Variants in UBXN2B observed in about 807,000 individuals in gnomAD.
The protein encoded by UBXN2B is UBX domain protein 2B.
In UBXN2B, 19 loss-of-function variants were observed where a neutral mutation model predicts 37.5. The observed-to-expected ratio is 0.51, with a 90% CI of 0.35 to 0.74. The LOEUF (loss-of-function observed/expected upper bound fraction) is 0.74, where lower values mean the gene tolerates loss of function less well. Ranked by LOEUF, UBXN2B falls within the 30% of genes least tolerant of loss-of-function variation. The probability of loss-of-function intolerance (pLI) is 0.01; values close to 1 mark genes in which losing one functional copy is unlikely to be tolerated. For synonymous variants in UBXN2B, 145 were observed against 143.8 expected (o/e 1.01, Z -0.06); for missense variants, 370 against 393.2 (o/e 0.94, Z 0.50).
intron 2 of UBXN2B, among the ~76,000 whole-genome samples, chr8:58,427,182 T>C (rs1808122928): frequency 6.6e-6 from 1 of 152,176 alleles, no homozygotes; most frequent in Non-Finnish European, 1.5e-5. Context: ...AGATTTTGGA[T>C]TCAAGGCCAA....
At chr8:58,425,096 G>C in intron 2 of UBXN2B, 1 of 788,776 alleles carries the variant, frequency 1.3e-6, no homozygotes, top group African/African-American at 1.7e-5. Flanking sequence ...GGCACTCCGT[G>C]GTCCGGCCAG....
chr8:58,441,643 T>G (rs1808553500), intron 6 of UBXN2B, among the ~76,000 whole-genome samples: 1 of 152,006 alleles, frequency 6.6e-6, no homozygotes. Context: ...GGAAGGCAGC[T>G]AAGAAGAGCC....
intron 1 of UBXN2B, among the ~76,000 whole-genome samples, chr8:58,413,695 G>A (rs573842014): frequency 1.3e-5 from 2 of 152,174 alleles, no homozygotes; most frequent in East Asian, 3.9e-4. Context: ...CCAGAGAAAA[G>A]CTGCATAGTT....
intron 6 of UBXN2B, among the ~76,000 whole-genome samples, chr8:58,444,030 GT>G (rs1174364255): frequency 2.0e-5 from 3 of 152,072 alleles, no homozygotes; most frequent in African/African-American, 7.2e-5. Context: ...ATATACAATA[GT>G]TTCATTGTGA....
intron 4 of UBXN2B, 23 bp from the exon 5 acceptor site, chr8:58,434,369 ATTT>A (rs3080297): frequency 0.2 from 60,449 of 302,966 alleles, 4,339 homozygotes; most frequent in South Asian, 0.28. Context: ...ATATATATAT[ATTT>A]TTTTTTTTTC....
At chr8:58,415,949 G>A (rs1298870184) in intron 1 of UBXN2B, among the ~76,000 whole-genome samples, 1 of 151,528 alleles carries the variant, frequency 6.6e-6, no homozygotes, top group Admixed American at 6.6e-5. Context: ...CCAATGCCCT[G>A]TTCTTCTTGG....
At chr8:58,446,094 T>C in intron 7 of UBXN2B, 26 bp downstream of exon 7, 1 of 1,588,968 alleles carries the variant, frequency 6.3e-7, no homozygotes, top group South Asian at 1.1e-5. Context: ...AACAGTGTCC[T>C]GTTTGCTGTT....
intron 6 of UBXN2B, among the ~76,000 whole-genome samples, chr8:58,440,121 G>A (rs1293189197): frequency 6.6e-6 from 1 of 152,174 alleles, no homozygotes; most frequent in East Asian, 1.9e-4. Flanking sequence ...AGATTGTTGA[G>A]CTAAGAAATG....
At chr8:58,438,666 C>T (rs1460109330) in intron 5 of UBXN2B, among the ~76,000 whole-genome samples, 2 of 152,100 alleles carry the variant, frequency 1.3e-5, no homozygotes, top group African/African-American at 4.8e-5. Flanking sequence ...TTTTATCTTA[C>T]AGGATTATAG....
At chr8:58,434,696 T>C (rs1808369047) in intron 5 of UBXN2B, among the ~76,000 whole-genome samples, 192 bp downstream of exon 5, 2 of 152,124 alleles carry the variant, frequency 1.3e-5, no homozygotes, top group Non-Finnish European at 2.9e-5. Flanking sequence ...AGTCACTGGT[T>C]CTTAATTTTG....
At chr8:58,425,450 T>C (rs1289601567) in intron 2 of UBXN2B, 1 of 1,137,806 alleles carries the variant, frequency 8.8e-7, no homozygotes, top group Non-Finnish European at 1.3e-6. Context: ...ATGATGATAT[T>C]TGCATTGATG....
intron 2 of UBXN2B, among the ~76,000 whole-genome samples, chr8:58,424,140 T>A (rs936322234): frequency 6.6e-6 from 1 of 151,916 alleles, no homozygotes; most frequent in African/African-American, 2.4e-5. Flanking sequence ...CTCACTTTTC[T>A]AAGATGTTGT....
intron 6 of UBXN2B, among the ~76,000 whole-genome samples, chr8:58,441,118 G>C (rs1246123765): frequency 6.6e-6 from 1 of 151,384 alleles, no homozygotes; most frequent in Non-Finnish European, 1.5e-5. Flanking sequence ...CCACTCTCCT[G>C]ACTGGGACTA....
chr8:58,411,558 C>G (rs1019804827), intron 1 of UBXN2B, 89 bp downstream of exon 1: 9 of 1,081,774 alleles, frequency 8.3e-6, no homozygotes, highest in Non-Finnish European at 1.1e-5. Flanking sequence ...CACCTCTGGC[C>G]TCGGCGGAGC....
intron 1 of UBXN2B, 110 bp downstream of exon 1, chr8:58,411,579 C>A: frequency 3.3e-6 from 3 of 918,756 alleles, no homozygotes; most frequent in Non-Finnish European, 4.3e-6. Context: ...CTTTCCCCGA[C>A]CCCGTCTGGG....
At chr8:58,412,219 T>C (rs1257219690) in intron 1 of UBXN2B, among the ~76,000 whole-genome samples, 1 of 152,212 alleles carries the variant, frequency 6.6e-6, no homozygotes, top group Admixed American at 6.5e-5. Flanking sequence ...AGAATCTTGG[T>C]AGAACAGTTT....
intron 2 of UBXN2B, chr8:58,425,879 C>T (rs1016918164): frequency 1.7e-6 from 2 of 1,162,612 alleles, no homozygotes; most frequent in East Asian, 4.7e-5. Flanking sequence ...TTTAGACTTG[C>T]CGTTATTGTT....
At chr8:58,443,168 T>A (rs1199688481) in intron 6 of UBXN2B, among the ~76,000 whole-genome samples, 2 of 152,140 alleles carry the variant, frequency 1.3e-5, no homozygotes, top group Non-Finnish European at 2.9e-5. Context: ...TCAGCAAATT[T>A]CTTTGCTTCC....
intron 2 of UBXN2B, chr8:58,425,183 T>C (rs1412042791): frequency 2.2e-6 from 2 of 902,678 alleles, no homozygotes; most frequent in East Asian, 4.8e-5. Context: ...TCTCTTAGCA[T>C]ATAGTTGTGA....
Sources: gnomAD v4.1 joint callset for allele counts (sites outside exome capture counted in the v4.1 genomes callset) on GRCh38, gnomAD v4.1.1 for gene constraint, MANE v1.5 for transcripts, NCBI Gene and HGNC (gene_info 2026-07-23, HGNC 2026-07-21) for gene names.